Variants in AUTS2 observed in about 807,000 individuals in gnomAD.
AUTS2 encodes the protein autism susceptibility gene 2 protein.
In AUTS2, 17 loss-of-function variants were observed where a neutral mutation model predicts 112.4. The ratio of observed to expected loss-of-function variants is 0.15; its 90% CI spans 0.10 to 0.23. The LOEUF (loss-of-function observed/expected upper bound fraction) is 0.23, where lower values mean the gene tolerates loss of function less well. Ranked by LOEUF, AUTS2 falls within the 10% of genes least tolerant of loss-of-function variation. The probability of loss-of-function intolerance (pLI) is 1.00; values close to 1 mark genes in which losing one functional copy is unlikely to be tolerated. For missense variants in AUTS2, 1,510 were observed against 1,701.6 expected (o/e 0.89, Z 1.98); for synonymous variants, 751 against 702.7 (o/e 1.07, Z -1.09).
chr7:70,703,818 C>G (rs1004298788), intron 6 of AUTS2, among the ~76,000 whole-genome samples: 1 of 152,086 alleles, frequency 6.6e-6, no homozygotes, highest in Non-Finnish European at 1.5e-5. Flanking sequence ...TCCCTCTGGA[C>G]CTTCTTTGTA....
At chr7:70,354,497 A>T (rs761188376) in intron 4 of AUTS2, among the ~76,000 whole-genome samples, 1 of 152,192 alleles carries the variant, frequency 6.6e-6, no homozygotes, top group Admixed American at 6.5e-5. Context: ...CCTCTCAACA[A>T]TCCTGTGAGG....
rs139261492 is a variant in AUTS2 at position 70,363,093 on chromosome 7, G to A, written c.661-72659G>A. Among the ~76,000 whole-genome samples the A allele has an allele frequency of 6.6e-5, 10 of 152,272 alleles. No homozygotes were observed. In the East Asian group the frequency reaches 1.9e-3, roughly 29 times the overall value. ...TACACAGATGGTAATCTAATGAGAT[G>A]CATTTATTCCTCCTGATATTTGTAA... On this transcript the variant is annotated intron_variant, in intron 4 of 18. Transcript: ENST00000342771.
At chr7:69,883,424 T>G (rs1015471065) in intron 1 of AUTS2, among the ~76,000 whole-genome samples, 14 of 152,020 alleles carry the variant, frequency 9.2e-5, no homozygotes, top group African/African-American at 3.4e-4. Flanking sequence ...TCTGTGTAAA[T>G]CAGTATGCTG....
chr7:70,118,996 T>C (rs1233134655), intron 3 of AUTS2: 1 of 151,030 alleles, frequency 6.6e-6, no homozygotes, highest in East Asian at 1.9e-4. Flanking sequence ...CAGCATTTTT[T>C]TTTTTTTTTT....
At chr7:70,141,670 G>A (rs527412219) in intron 4 of AUTS2, among the ~76,000 whole-genome samples, 5 of 152,028 alleles carry the variant, frequency 3.3e-5, no homozygotes, top group Non-Finnish European at 7.4e-5. Flanking sequence ...TCCACGTGGC[G>A]CAGATAAACT....
chr7:70,097,752 A>G (rs1174721901), intron 2 of AUTS2, among the ~76,000 whole-genome samples: 1 of 152,200 alleles, frequency 6.6e-6, no homozygotes, highest in African/African-American at 2.4e-5. Flanking sequence ...TAGGAGCTAA[A>G]TTTAATGTTA....
At chr7:70,662,438 A>C (rs147960754) in intron 5 of AUTS2, among the ~76,000 whole-genome samples, 30 of 152,312 alleles carry the variant, frequency 2.0e-4, no homozygotes, top group African/African-American at 7.0e-4. Context: ...CAAACCCAGC[A>C]GGTGACCTGC....
rs150199727 is a variant in AUTS2, at chr7:69,759,238, G to A, written c.310-140048G>A. ...TTATCCGAATTGCTTGGGACCAGAA[G>A]TGGTTCAGGTTTTTGATTTTTTTTT... On this transcript the variant is annotated intron_variant, in intron 1 of 18. Transcript: ENST00000342771. Among the ~76,000 whole-genome samples the A allele has an allele frequency of 5.3e-5, 8 of 151,852 alleles. No homozygotes were observed. In the East Asian group the frequency reaches 1.4e-3, roughly 26 times the overall value.
intron 1 of AUTS2, among the ~76,000 whole-genome samples, chr7:69,891,463 A>G (rs897181478): frequency 1.3e-5 from 2 of 152,132 alleles, no homozygotes; most frequent in Non-Finnish European, 2.9e-5. Context: ...TCATGTAGAC[A>G]TGTACTTTAA....
At chr7:70,173,807 G>A (rs1241863422) in intron 4 of AUTS2, among the ~76,000 whole-genome samples, 2 of 48,096 alleles carry the variant, frequency 4.2e-5, no homozygotes, top group Non-Finnish European at 7.6e-5. Flanking sequence ...TAGTTATTTT[G>A]GAGTGACATA....
intron 5 of AUTS2, among the ~76,000 whole-genome samples, chr7:70,491,085 A>G (rs575166169): frequency 7.2e-5 from 11 of 152,308 alleles, no homozygotes; most frequent in African/African-American, 2.6e-4. Flanking sequence ...AGGGTCCTAA[A>G]GTGCAAAGAA....
chr7:70,583,127 C>G (rs569494231), intron 5 of AUTS2, among the ~76,000 whole-genome samples: 2 of 152,288 alleles, frequency 1.3e-5, no homozygotes, highest in South Asian at 2.1e-4. Flanking sequence ...TCCTGCTGCC[C>G]GTGGATTAGC....
At chr7:70,224,823 C>G (rs1345101395) in intron 4 of AUTS2, among the ~76,000 whole-genome samples, 1 of 152,080 alleles carries the variant, frequency 6.6e-6, no homozygotes, top group Non-Finnish European at 1.5e-5. Context: ...TGTTTAGATA[C>G]ACAAATACTT....
intron 4 of AUTS2, among the ~76,000 whole-genome samples, chr7:70,222,305 G>A (rs1811528432): frequency 6.6e-6 from 1 of 152,188 alleles, no homozygotes; most frequent in Non-Finnish European, 1.5e-5. Flanking sequence ...GATAGCAAAT[G>A]TAGGAAGGGT....
chr7:70,537,202 G>A (rs1054166042), intron 5 of AUTS2, among the ~76,000 whole-genome samples: 1 of 152,122 alleles, frequency 6.6e-6, no homozygotes, highest in Non-Finnish European at 1.5e-5. Context: ...AGTACCCAGC[G>A]TGAGGTCTGT....
At chr7:70,578,107 G>A (rs1210916544) in intron 5 of AUTS2, among the ~76,000 whole-genome samples, 2 of 152,176 alleles carry the variant, frequency 1.3e-5, no homozygotes, top group Non-Finnish European at 2.9e-5. Flanking sequence ...TGGGATTACA[G>A]GCGTGAGCCA....
At chr7:69,917,875 C>G (rs961075968) in intron 2 of AUTS2, among the ~76,000 whole-genome samples, 8 of 151,516 alleles carry the variant, frequency 5.3e-5, no homozygotes, top group African/African-American at 1.9e-4. Flanking sequence ...CGGAGTCTCG[C>G]TCTGTCGCCC....
chr7:69,680,132 G>A (rs942659984), intron 1 of AUTS2, among the ~76,000 whole-genome samples: 3 of 152,154 alleles, frequency 2.0e-5, no homozygotes, highest in Non-Finnish European at 2.9e-5. Flanking sequence ...TCATGAAGTG[G>A]GTTTAGGCAT....
At chr7:70,415,766 G>A (rs1037560941) in intron 4 of AUTS2, among the ~76,000 whole-genome samples, 4 of 152,138 alleles carry the variant, frequency 2.6e-5, no homozygotes, top group Admixed American at 2.0e-4. Context: ...GCAAGTCAAC[G>A]GTAACAGGGA....
Sources: gnomAD v4.1 joint callset for allele counts (sites outside exome capture counted in the v4.1 genomes callset) on GRCh38, gnomAD v4.1.1 for gene constraint, MANE v1.5 for transcripts, NCBI Gene and HGNC (gene_info 2026-07-23, HGNC 2026-07-21) for gene names.